Variants in CCBE1 observed in about 807,000 individuals in gnomAD.
CCBE1 encodes collagen and calcium binding EGF domains 1.
Under a neutral mutation model 50.0 loss-of-function variants are expected in CCBE1, and 37 were observed. The observed-to-expected ratio is 0.74, with a 90% CI of 0.57 to 0.97. CCBE1 has a LOEUF of 0.97. CCBE1 is among the 50% of genes least tolerant of loss of function. The probability of loss-of-function intolerance (pLI) is 0.00; values close to 1 mark genes in which losing one functional copy is unlikely to be tolerated. For missense variants in CCBE1, 538 were observed against 523.8 expected, an observed-to-expected ratio of 1.03 and a Z score of -0.26; for synonymous variants, 234 against 203.7, an observed-to-expected ratio of 1.15 and a Z score of -1.27.
intron 6 of CCBE1, among the ~76,000 whole-genome samples, chr18:59,452,814 A>G (rs1911004827): frequency 6.6e-6 from 1 of 152,224 alleles, no homozygotes; most frequent in African/African-American, 2.4e-5. Context: ...GAACCTTTAG[A>G]AATAAATTGC....
chr18:59,679,259 A>T lies in CCBE1; in HGVS notation c.212+17370T>A, dbSNP rs76027095. Among the ~76,000 whole-genome samples the T allele has an allele frequency of 5.1e-4, 77 of 152,354 alleles. 1 individual carries two copies. The East Asian group carries it at 0.013, about 25-fold the overall frequency. ...TTAACACATCTGTTAAAATTTAAAT[A>T]TCGCTCACTAGTGATAATGGAAGTA... On this transcript the variant is annotated intron_variant, in intron 2 of 10. Transcript: ENST00000439986.
chr18:59,551,032 AAAG>A (rs1915908142), intron 2 of CCBE1, among the ~76,000 whole-genome samples: 1 of 146,700 alleles, frequency 6.8e-6, no homozygotes, highest in Admixed American at 7.0e-5. Flanking sequence ...AAAAAAAAGA[AAAG>A]AAAAGAAAAG....
chr18:59,488,948 A>G (rs534336132), intron 2 of CCBE1, among the ~76,000 whole-genome samples: 6 of 152,278 alleles, frequency 3.9e-5, no homozygotes, highest in Admixed American at 3.9e-4. Flanking sequence ...AGCCCCTGCT[A>G]TAGTCTAACT....
chr18:59,514,536 T>G (rs1002440156), intron 2 of CCBE1, among the ~76,000 whole-genome samples: 1 of 151,224 alleles, frequency 6.6e-6, no homozygotes, highest in South Asian at 2.1e-4. Context: ...TGGAGCCCTG[T>G]GCGTGTGAGG....
intron 2 of CCBE1, among the ~76,000 whole-genome samples, chr18:59,488,170 T>C (rs1374781974): frequency 6.6e-6 from 1 of 152,212 alleles, no homozygotes; most frequent in Non-Finnish European, 1.5e-5. Context: ...GGAAGCGTGG[T>C]TGCCAGGGAC....
chr18:59,687,439 C>T (rs1486332641), intron 2 of CCBE1, among the ~76,000 whole-genome samples: 1 of 152,166 alleles, frequency 6.6e-6, no homozygotes, highest in Admixed American at 6.5e-5. Flanking sequence ...CACATCATTC[C>T]TTTACCTTCC....
At chr18:59,635,745 A>G (rs1002926793) in intron 2 of CCBE1, among the ~76,000 whole-genome samples, 1 of 152,186 alleles carries the variant, frequency 6.6e-6, no homozygotes, top group South Asian at 2.1e-4. Context: ...ATTAAAAAAA[A>G]AAAGCTCAAG....
chr18:59,466,975 G>T, intron 4 of CCBE1, 84 bp from the exon 5 acceptor site: 1 of 1,246,994 alleles, frequency 8.0e-7, no homozygotes, highest in Non-Finnish European at 1.2e-6. Flanking sequence ...TTGCCTCTCT[G>T]TTAATAACAA....
chr18:59,464,715 A>G (rs1208171261), intron 5 of CCBE1, among the ~76,000 whole-genome samples: 1 of 152,210 alleles, frequency 6.6e-6, no homozygotes, highest in African/African-American at 2.4e-5. Flanking sequence ...TTCACTTTGT[A>G]GTTCTCCCTT....
chr18:59,593,795 A>T (rs1316479112), intron 2 of CCBE1, among the ~76,000 whole-genome samples: 2 of 152,228 alleles, frequency 1.3e-5, no homozygotes, highest in African/African-American at 4.8e-5. Flanking sequence ...ATAAATTGTA[A>T]CTGATTAAGT....
chr18:59,682,502 C>A (rs1356033774), intron 2 of CCBE1, among the ~76,000 whole-genome samples: 2 of 145,110 alleles, frequency 1.4e-5, no homozygotes, highest in Non-Finnish European at 2.9e-5. Context: ...GAAACAGAGA[C>A]CCCCCCCTTT....
chr18:59,488,916 G>A (rs185876430), intron 2 of CCBE1, among the ~76,000 whole-genome samples: 1 of 152,210 alleles, frequency 6.6e-6, no homozygotes, highest in African/African-American at 2.4e-5. Flanking sequence ...AGTGCTGCAA[G>A]CAGGGACATC....
chr18:59,514,680 C>G (rs532909870), intron 2 of CCBE1, among the ~76,000 whole-genome samples: 1 of 132,316 alleles, frequency 7.6e-6, no homozygotes, highest in South Asian at 2.7e-4. Flanking sequence ...CAATTCTAAT[C>G]TAAGCGGCAT....
intron 3 of CCBE1, 77 bp downstream of exon 3, chr18:59,480,109 A>G: frequency 1.0e-6 from 1 of 966,982 alleles, no homozygotes. Flanking sequence ...CCTATATTCC[A>G]TGAACATCTG....
intron 2 of CCBE1, among the ~76,000 whole-genome samples, chr18:59,653,853 GAGATAGGTTATTTGA>G (rs1175927592): frequency 2.0e-5 from 3 of 152,216 alleles, no homozygotes; most frequent in Non-Finnish European, 4.4e-5. Context: ...AATCGTATCA[GAGATAGGTTATTTGA>G]TGACTGCATA....
chr18:59,635,899 T>A (rs190388413), intron 2 of CCBE1, among the ~76,000 whole-genome samples: 61 of 152,330 alleles, frequency 4.0e-4, no homozygotes, highest in African/African-American at 1.4e-3. Context: ...TGATAGCTCA[T>A]GCCTGTGATC....
At chr18:59,448,752 T>C (rs879936755) in intron 6 of CCBE1, among the ~76,000 whole-genome samples, 1 of 152,206 alleles carries the variant, frequency 6.6e-6, no homozygotes, top group Non-Finnish European at 1.5e-5. Context: ...TCTAATACAA[T>C]TCCCCTGTGA....
Position 59,569,217 on chromosome 18 carries a change from T to C in CCBE1, c.213-88979A>G, listed in dbSNP as rs73961254. Reference sequence around the variant, plus strand: ...TGTCTCATAAGGGCTGGGTTGGCTGTGGTTCATTAAGAAGGTATTAAGCAC... The same window carrying C: ...TGTCTCATAAGGGCTGGGTTGGCTGCGGTTCATTAAGAAGGTATTAAGCAC... On this transcript the variant is annotated intron_variant, in intron 2 of 10. Coordinates refer to ENST00000439986, the MANE Select transcript of CCBE1 (RefSeq NM_133459.4). Among the ~76,000 whole-genome samples the C allele has an allele frequency of 6.8e-3, 1,040 of 152,342 alleles. 14 individuals carry two copies. Among genetic ancestry groups the C allele is most frequent in the African/African-American group, 0.024 (989 of 41,578 alleles).
intron 2 of CCBE1, among the ~76,000 whole-genome samples, chr18:59,558,258 G>A (rs1269183449): frequency 6.6e-6 from 1 of 152,224 alleles, no homozygotes; most frequent in East Asian, 1.9e-4. Flanking sequence ...CAGTCTTCTA[G>A]TTAGTTGAGG....
Sources: allele counts gnomAD v4.1 joint callset (sites outside exome capture counted in the v4.1 genomes callset), GRCh38; gene constraint gnomAD v4.1.1; transcripts MANE v1.5; gene names NCBI Gene and HGNC (gene_info 2026-07-23, HGNC 2026-07-21).